GPHN: variants seen among roughly 807,000 people sequenced by gnomAD.
The protein encoded by GPHN is gephyrin.
In GPHN, 17 loss-of-function variants were observed where a neutral mutation model predicts 95.5. The ratio of observed to expected loss-of-function variants is 0.18; its 90% CI spans 0.12 to 0.27. The LOEUF (loss-of-function observed/expected upper bound fraction) is 0.27. GPHN is among the 10% of genes least tolerant of loss of function. The pLI is 1.00. For missense variants in GPHN, 660 were observed against 978.1 expected, an observed-to-expected ratio of 0.67 and a Z score of 4.34; for synonymous variants, 320 against 322.5, an observed-to-expected ratio of 0.99 and a Z score of 0.08.
chr14:67,225,239 T>A, the GPHN span: 1 of 1,521,320 alleles, frequency 6.6e-7, no homozygotes. Context: ...ACAAAGTTGA[T>A]GGAAAAACAT....
chr14:67,095,564 T>C (rs1461749700), intron 12 of GPHN, among the ~76,000 whole-genome samples: 4 of 151,948 alleles, frequency 2.6e-5, no homozygotes, highest in African/African-American at 9.7e-5. Flanking sequence ...ATTAAGAAAA[T>C]GTGGCACATA....
the GPHN span, chr14:67,317,015 A>C: frequency 3.9e-6 from 3 of 766,020 alleles, no homozygotes; most frequent in South Asian, 3.7e-5. Context: ...AGAGTGATAC[A>C]AGAGGCAAAA....
chr14:67,337,878 A>G, the GPHN span: 1 of 152,196 alleles, frequency 6.6e-6, no homozygotes, highest in African/African-American at 2.4e-5. Flanking sequence ...CTCATAACTC[A>G]TCGGCAATCA....
the GPHN span, chr14:67,572,299 G>T: frequency 1.3e-6 from 2 of 1,569,942 alleles, no homozygotes; most frequent in Non-Finnish European, 1.7e-6. Flanking sequence ...AACGGGCGGG[G>T]GCAGGGTGGA....
chr14:67,243,049 T>C, the GPHN span, among the ~76,000 whole-genome samples: 1 of 152,166 alleles, frequency 6.6e-6, no homozygotes, highest in African/African-American at 2.4e-5. Context: ...AAAAATAAAA[T>C]TTATCACCCA....
chr14:67,267,328 G>A, the GPHN span, among the ~76,000 whole-genome samples: 2 of 151,862 alleles, frequency 1.3e-5, no homozygotes, highest in African/African-American at 2.4e-5. Context: ...GTGCAATCTT[G>A]GCTCACTGCA....
At chr14:66,845,569 T>A (rs2062286564) in intron 4 of GPHN, among the ~76,000 whole-genome samples, 1 of 152,054 alleles carries the variant, frequency 6.6e-6, no homozygotes, top group Non-Finnish European at 1.5e-5. Context: ...TGGGCTTTTA[T>A]AGAGGAGAGA....
chr14:66,683,366 A>G (rs77370220), intron 2 of GPHN, among the ~76,000 whole-genome samples: 17 of 12,508 alleles, frequency 1.4e-3, no homozygotes, highest in South Asian at 7.7e-3. Context: ...ATATATATAT[A>G]TATATATATA....
At chr14:67,437,306 A>C in the GPHN span, among the ~76,000 whole-genome samples, 1 of 152,196 alleles carries the variant, frequency 6.6e-6, no homozygotes, top group African/African-American at 2.4e-5. Flanking sequence ...AAATGATGTG[A>C]AATTGTAGTG....
chr14:67,604,034 C>T, the GPHN span, among the ~76,000 whole-genome samples: 2 of 150,358 alleles, frequency 1.3e-5, no homozygotes, highest in Non-Finnish European at 3.0e-5. Context: ...GCTCTGTCGC[C>T]TAGGCAAGAG....
chr14:67,519,206 C>A, the GPHN span, among the ~76,000 whole-genome samples: 2 of 152,102 alleles, frequency 1.3e-5, no homozygotes, highest in Admixed American at 6.5e-5. Flanking sequence ...ACTCAGATCA[C>A]GTAGGATTCT....
intron 1 of GPHN, among the ~76,000 whole-genome samples, chr14:66,541,954 G>A (rs1047325366): frequency 9.2e-5 from 14 of 152,144 alleles, no homozygotes; most frequent in Non-Finnish European, 1.3e-4. Flanking sequence ...GATAATTAAC[G>A]TATTGATCTT....
chr14:67,239,224 C>T, the GPHN span, among the ~76,000 whole-genome samples: 17 of 152,216 alleles, frequency 1.1e-4, no homozygotes, highest in East Asian at 3.9e-4. Flanking sequence ...TTGGAAGTTA[C>T]GGATAAAGAT....
At chr14:66,835,420 G>A (rs890714971) in intron 4 of GPHN, among the ~76,000 whole-genome samples, 1 of 152,038 alleles carries the variant, frequency 6.6e-6, no homozygotes, top group Admixed American at 6.6e-5. Flanking sequence ...TCTACACACT[G>A]CTTTGAATAT....
intron 9 of GPHN, 32 bp downstream of exon 9, chr14:66,965,357 C>G (rs760875957): frequency 6.3e-7 from 1 of 1,599,490 alleles, no homozygotes; most frequent in Non-Finnish European, 8.6e-7. Flanking sequence ...CTTACACCTG[C>G]TCTTCTATAG....
chr14:67,703,114 C>T, the GPHN span, among the ~76,000 whole-genome samples: 1 of 152,168 alleles, frequency 6.6e-6, no homozygotes, highest in African/African-American at 2.4e-5. Context: ...GTCACCTCAT[C>T]TGGCCCTTAT....
At chr14:67,049,461 G>A (rs910297090) in intron 10 of GPHN, among the ~76,000 whole-genome samples, 2 of 150,824 alleles carry the variant, frequency 1.3e-5, no homozygotes, top group African/African-American at 4.9e-5. Flanking sequence ...AATGGCCCAA[G>A]ACAGTAAGAG....
chr14:66,972,332 G>A (rs1342146336), intron 9 of GPHN, among the ~76,000 whole-genome samples: 1 of 148,736 alleles, frequency 6.7e-6, no homozygotes, highest in Non-Finnish European at 1.5e-5. Flanking sequence ...TGGCAAAAAA[G>A]CAACAAATAG....
intron 1 of GPHN, among the ~76,000 whole-genome samples, chr14:66,666,250 TA>T (rs565269684): frequency 4.7e-5 from 7 of 150,344 alleles, no homozygotes; most frequent in African/African-American, 1.7e-4. Context: ...TAAAGTATAA[TA>T]AAAATATATA....
Sources: allele counts gnomAD v4.1 joint callset (sites outside exome capture counted in the v4.1 genomes callset), GRCh38; gene constraint gnomAD v4.1.1; transcripts MANE v1.5; gene names NCBI Gene and HGNC (gene_info 2026-07-23, HGNC 2026-07-21).